SHC4: variants seen among roughly 807,000 people sequenced by gnomAD.
SHC4 encodes SHC adaptor protein 4.
Under a neutral mutation model 69.4 loss-of-function variants are expected in SHC4, and 41 were observed. The observed-to-expected ratio is 0.59, with a 90% CI of 0.46 to 0.77. SHC4 has a LOEUF of 0.77. Among genes scored for constraint, SHC4 ranks in the 30% least tolerant of loss-of-function variants. The pLI, the probability that SHC4 is intolerant of heterozygous loss-of-function variation, is 0.00. For missense variants in SHC4, 777 were observed against 783.8 expected, an observed-to-expected ratio of 0.99 and a Z score of 0.10; for synonymous variants, 318 against 299.3, an observed-to-expected ratio of 1.06 and a Z score of -0.64.
At chr15:48,926,028 C>T (rs1900847680) in intron 1 of SHC4, among the ~76,000 whole-genome samples, 1 of 152,102 alleles carries the variant, frequency 6.6e-6, no homozygotes, top group South Asian at 2.1e-4. Flanking sequence ...ACAGGAAAGC[C>T]AGGAGAAGGG....
chr15:48,953,751 T>G (rs1901401455), intron 1 of SHC4, among the ~76,000 whole-genome samples: 1 of 152,218 alleles, frequency 6.6e-6, no homozygotes, highest in Admixed American at 6.5e-5. Flanking sequence ...GTCAATGTCA[T>G]TTAGCCCGAG....
intron 3 of SHC4, among the ~76,000 whole-genome samples, chr15:48,887,177 T>A (rs1345515281): frequency 6.6e-6 from 1 of 152,220 alleles, no homozygotes; most frequent in Non-Finnish European, 1.5e-5. Context: ...AATGATGCAG[T>A]ATCTAACAGA....
At chr15:48,826,726 A>C (rs1898696991) in intron 11 of SHC4, among the ~76,000 whole-genome samples, 1 of 152,186 alleles carries the variant, frequency 6.6e-6, no homozygotes, top group African/African-American at 2.4e-5. Context: ...ACAAGCATGA[A>C]TCCCAGGATT....
intron 1 of SHC4, among the ~76,000 whole-genome samples, chr15:48,933,032 A>G (rs1900998653): frequency 6.6e-6 from 1 of 152,206 alleles, no homozygotes; most frequent in Non-Finnish European, 1.5e-5. Context: ...ATTTCCCAAA[A>G]GAATAATCAT....
intron 2 of SHC4, among the ~76,000 whole-genome samples, chr15:48,904,290 T>A (rs1900366555): frequency 6.6e-6 from 1 of 152,234 alleles, no homozygotes; most frequent in South Asian, 2.1e-4. Flanking sequence ...TTAATTTCTC[T>A]AAGTCTCAAT....
chr15:48,961,438 T>C (rs1901544828), intron 1 of SHC4, among the ~76,000 whole-genome samples: 1 of 152,068 alleles, frequency 6.6e-6, no homozygotes, highest in Non-Finnish European at 1.5e-5. Context: ...TCTCCAGCAT[T>C]CCCCTTCCTC....
chr15:48,919,850 C>T (rs990241303), intron 2 of SHC4, among the ~76,000 whole-genome samples: 17 of 152,076 alleles, frequency 1.1e-4, no homozygotes, highest in Non-Finnish European at 7.4e-5. Flanking sequence ...CATGTATAGA[C>T]ACATCTACAA....
intron 4 of SHC4, among the ~76,000 whole-genome samples, chr15:48,874,593 A>C (rs1237086217): frequency 6.6e-6 from 1 of 152,208 alleles, no homozygotes; most frequent in Non-Finnish European, 1.5e-5. Context: ...CATGCTCCTT[A>C]TGAGAATCTA....
chr15:48,878,085 A>C, intron 4 of SHC4: 7 of 1,480,224 alleles, frequency 4.7e-6, no homozygotes, highest in Middle Eastern at 2.4e-4. Context: ...GGGTTACGCA[A>C]GCGCGCAGCC....
chr15:48,924,730 T>C (rs925628007), intron 2 of SHC4, 149 bp downstream of exon 2: 3 of 724,296 alleles, frequency 4.1e-6, no homozygotes, highest in Admixed American at 2.3e-5. Context: ...AAGCCACTCA[T>C]TGAAGGTCAC....
Position 48,856,033 on chromosome 15 carries a change from C to T in SHC4, c.1162G>A (p.Val388Ile), listed in dbSNP as rs757388167. 1.2e-6 allele frequency: 2 copies of T among 1,613,966 alleles called. No homozygotes were observed. The highest frequency in any genetic ancestry group is 1.7e-5 in the Admixed American group (1 of 59,990). ...TGAACTTTGATCCGCATATCTGAAA[C>T]ACCACCTACTGGTGGCTGCTTCCCT... Reference protein sequence around the residue: ...IPGKQPPVGGVSDMRIKVQAT... With the variant: ...IPGKQPPVGGISDMRIKVQAT... The change falls in exon 8 of 12, where the codon GTT becomes ATT. Residue 388 changes from valine (V) to isoleucine (I), a missense_variant. Coordinates refer to ENST00000332408, the MANE Select transcript of SHC4 (RefSeq NM_203349.4).
At chr15:48,875,017 G>A (rs987941866) in intron 4 of SHC4, among the ~76,000 whole-genome samples, 1 of 152,204 alleles carries the variant, frequency 6.6e-6, no homozygotes, top group Non-Finnish European at 1.5e-5. Flanking sequence ...TCACTGGAGA[G>A]GTTCTTTGAA....
intron 9 of SHC4, among the ~76,000 whole-genome samples, chr15:48,850,708 T>C (rs936681005): frequency 4.6e-5 from 7 of 152,244 alleles, no homozygotes; most frequent in African/African-American, 1.7e-4. Context: ...AAACATTTAC[T>C]ACTCTGGCAA....
chr15:48,903,122 A>G (rs1900345849), intron 2 of SHC4, among the ~76,000 whole-genome samples: 1 of 152,192 alleles, frequency 6.6e-6, no homozygotes, highest in African/African-American at 2.4e-5. Context: ...TTCCTAAAGT[A>G]AGTGCAGCTC....
chr15:48,877,956 G>T, intron 4 of SHC4: 1 of 502,186 alleles, frequency 2.0e-6, no homozygotes, highest in Non-Finnish European at 3.4e-6. Flanking sequence ...TACGAAGTTC[G>T]AATCGATGGA....
chr15:48,873,672 C>T (rs1214227792), intron 4 of SHC4, among the ~76,000 whole-genome samples: 3 of 151,862 alleles, frequency 2.0e-5, no homozygotes, highest in Non-Finnish European at 2.9e-5. Context: ...ACCCGGGAGG[C>T]GGAGCTTGCA....
chr15:48,913,462 C>G (rs1900550057), intron 2 of SHC4, among the ~76,000 whole-genome samples: 1 of 152,150 alleles, frequency 6.6e-6, no homozygotes, highest in Admixed American at 6.5e-5. Flanking sequence ...CCAATAGCCC[C>G]CAGTCCATTT....
intron 1 of SHC4, among the ~76,000 whole-genome samples, chr15:48,933,251 A>T (rs569582906): frequency 1.3e-5 from 2 of 152,182 alleles, no homozygotes; most frequent in Non-Finnish European, 2.9e-5. Flanking sequence ...CTTTATTTGT[A>T]AGTTTTCCTG....
At chr15:48,959,572 T>C (rs931836801) in intron 1 of SHC4, among the ~76,000 whole-genome samples, 1 of 152,184 alleles carries the variant, frequency 6.6e-6, no homozygotes, top group Non-Finnish European at 1.5e-5. Context: ...CCTGTAAACT[T>C]TGCCCCTAAA....
Sources: allele counts gnomAD v4.1 joint callset (sites outside exome capture counted in the v4.1 genomes callset), GRCh38; gene constraint gnomAD v4.1.1; transcripts MANE v1.5; gene names NCBI Gene and HGNC (gene_info 2026-07-23, HGNC 2026-07-21).